ANKS1B: variants seen among roughly 807,000 people sequenced by gnomAD.
ANKS1B encodes the protein ankyrin repeat and sterile alpha motif domain-containing protein 1B.
In ANKS1B, 36 loss-of-function variants were observed where a neutral mutation model predicts 148.3. The observed-to-expected ratio is 0.24, with a 90% CI of 0.19 to 0.32. The LOEUF (loss-of-function observed/expected upper bound fraction) is 0.32. Among genes scored for constraint, ANKS1B ranks in the 10% least tolerant of loss-of-function variants. The probability of loss-of-function intolerance (pLI) is 1.00; values close to 1 mark genes in which losing one functional copy is unlikely to be tolerated. For synonymous variants in ANKS1B, 542 were observed against 560.8 expected (o/e 0.97, Z 0.47); for missense variants, 1,157 against 1,542.6 (o/e 0.75, Z 4.19).
intron 9 of ANKS1B, among the ~76,000 whole-genome samples, chr12:99,566,166 T>G (rs2097391282): frequency 6.6e-6 from 1 of 152,182 alleles, no homozygotes; most frequent in Admixed American, 6.5e-5. Context: ...GCTGCGAATT[T>G]TCAGTCACGT....
chr12:99,671,772 G>T (rs1228988242), intron 8 of ANKS1B, among the ~76,000 whole-genome samples: 3 of 152,024 alleles, frequency 2.0e-5, no homozygotes, highest in Non-Finnish European at 4.4e-5. Flanking sequence ...AATCAAGGTA[G>T]CAGAAATAAA....
intron 12 of ANKS1B, among the ~76,000 whole-genome samples, chr12:99,300,642 G>T (rs1366126849): frequency 6.6e-6 from 1 of 152,162 alleles, no homozygotes; most frequent in Non-Finnish European, 1.5e-5. Context: ...AACTGTTCTG[G>T]AGAATTTAAG....
At chr12:98,983,556 A>G (rs1168592819) in intron 17 of ANKS1B, among the ~76,000 whole-genome samples, 1 of 152,338 alleles carries the variant, frequency 6.6e-6, no homozygotes, top group East Asian at 1.9e-4. Flanking sequence ...TATGAGGGTC[A>G]TCTATAGAAT....
At chr12:98,992,331 C>G (rs1441036887) in intron 17 of ANKS1B, among the ~76,000 whole-genome samples, 2 of 152,142 alleles carry the variant, frequency 1.3e-5, no homozygotes, top group African/African-American at 4.8e-5. Flanking sequence ...GTTTGGCTCT[C>G]TGTTCCCATG....
chr12:98,794,882 G>A (rs1483445584), intron 22 of ANKS1B: 13 of 1,599,770 alleles, frequency 8.1e-6, no homozygotes, highest in Admixed American at 5.0e-5. Context: ...CATCTTATCC[G>A]AGCCCCTCTT....
chr12:99,940,580 C>CA (rs1011684353), intron 1 of ANKS1B, among the ~76,000 whole-genome samples: 47 of 151,408 alleles, frequency 3.1e-4, no homozygotes, highest in African/African-American at 5.8e-4. Flanking sequence ...TCAACGAAGC[C>CA]AAAAAAAATG....
intron 17 of ANKS1B, chr12:98,976,331 C>T (rs890464169): frequency 1.3e-5 from 2 of 152,190 alleles, no homozygotes; most frequent in Non-Finnish European, 2.9e-5. Flanking sequence ...CAAGCCTAGC[C>T]ATGCTAGAGG....
chr12:99,784,516 G>A (rs974509594), intron 4 of ANKS1B, among the ~76,000 whole-genome samples: 2 of 151,990 alleles, frequency 1.3e-5, no homozygotes, highest in African/African-American at 4.8e-5. Context: ...CTTCCACAGG[G>A]GGTCTCCAAG....
At chr12:99,269,838 C>G (rs184678908) in intron 12 of ANKS1B, among the ~76,000 whole-genome samples, 1 of 152,124 alleles carries the variant, frequency 6.6e-6, no homozygotes, top group Admixed American at 6.5e-5. Context: ...GGATTACAGG[C>G]GTGAGCCACT....
At chr12:99,674,607 T>C (rs2153473784) in intron 8 of ANKS1B, among the ~76,000 whole-genome samples, 1 of 151,818 alleles carries the variant, frequency 6.6e-6, no homozygotes, top group East Asian at 1.9e-4. Flanking sequence ...CCAAAGTTTA[T>C]AAAAAATAAG....
intron 9 of ANKS1B, among the ~76,000 whole-genome samples, chr12:99,569,568 C>T (rs1597277008): frequency 6.6e-6 from 1 of 152,190 alleles, no homozygotes; most frequent in Admixed American, 6.5e-5. Context: ...GTAGTGGATG[C>T]TCTGTTGTGC....
At chr12:99,647,060 T>C (rs1040323358) in intron 9 of ANKS1B, among the ~76,000 whole-genome samples, 1 of 151,656 alleles carries the variant, frequency 6.6e-6, no homozygotes, top group Non-Finnish European at 1.5e-5. Context: ...CTAATAAAAA[T>C]AGAAGTTAAA....
At chr12:99,517,386 A>G (rs1011826094) in intron 9 of ANKS1B, among the ~76,000 whole-genome samples, 1 of 151,962 alleles carries the variant, frequency 6.6e-6, no homozygotes, top group Non-Finnish European at 1.5e-5. Flanking sequence ...AAATTTATCA[A>G]TTCTCATTCT....
chr12:99,658,298 G>A (rs1365520902), intron 8 of ANKS1B, among the ~76,000 whole-genome samples: 1 of 152,090 alleles, frequency 6.6e-6, no homozygotes. Flanking sequence ...ACAATACAGT[G>A]GAACCTCTCT....
At chr12:99,467,308 C>T (rs930082965) in intron 10 of ANKS1B, among the ~76,000 whole-genome samples, 4 of 152,082 alleles carry the variant, frequency 2.6e-5, no homozygotes, top group Admixed American at 2.0e-4. Context: ...TAAGAGCTAA[C>T]TATGACAAAC....
intron 9 of ANKS1B, among the ~76,000 whole-genome samples, chr12:99,506,971 C>G (rs2096718076): frequency 6.6e-6 from 1 of 151,946 alleles, no homozygotes; most frequent in Admixed American, 6.6e-5. Context: ...GTCCACTACT[C>G]TGTCCCTAGA....
chr12:99,650,103 A>G (rs1383481183), intron 9 of ANKS1B: 2 of 152,270 alleles, frequency 1.3e-5, no homozygotes, highest in African/African-American at 2.4e-5. Context: ...CAATAAAACT[A>G]ATGGCAATTT....
At chr12:99,807,468 A>G (rs1446580894) in intron 3 of ANKS1B, among the ~76,000 whole-genome samples, 1 of 152,178 alleles carries the variant, frequency 6.6e-6, no homozygotes, top group East Asian at 1.9e-4. Context: ...TGAGCAATAT[A>G]GGTAGATGGT....
intron 17 of ANKS1B, among the ~76,000 whole-genome samples, chr12:98,988,073 T>A (rs191087489): frequency 4.2e-3 from 643 of 152,350 alleles, no homozygotes; most frequent in Non-Finnish European, 7.0e-3. Flanking sequence ...AATGACTAAG[T>A]ATAATTAACA....
Sources: gnomAD v4.1 joint callset for allele counts (sites outside exome capture counted in the v4.1 genomes callset) on GRCh38, gnomAD v4.1.1 for gene constraint, MANE v1.5 for transcripts, NCBI Gene and HGNC (gene_info 2026-07-23, HGNC 2026-07-21) for gene names.